The following WIZ variants were observed in gnomAD, a reference collection of about 807,000 sequenced individuals.
WIZ encodes the protein protein Wiz.
A neutral mutation model predicts 140.2 loss-of-function variants in WIZ; 25 were observed. That is an observed-to-expected ratio of 0.18 (90% CI 0.13 to 0.25). The LOEUF (loss-of-function observed/expected upper bound fraction) is 0.25. Among genes scored for constraint, WIZ ranks in the 10% least tolerant of loss-of-function variants. The pLI is 1.00. For synonymous variants in WIZ, 1,125 were observed against 1,154.3 expected, an observed-to-expected ratio of 0.97 and a Z score of 0.51; for missense variants, 2,231 against 2,632.6, an observed-to-expected ratio of 0.85 and a Z score of 3.34.
chr19:15,439,020 C>T lies in WIZ; in HGVS notation c.1974G>A (p.Lys658=), dbSNP rs1012051920. The T allele has an allele frequency of 3.3e-6, 5 of 1,496,126 alleles. No individual in the cohort carries two copies. The highest frequency in any genetic ancestry group is 4.5e-5 in the Admixed American group (2 of 44,826). 92.7% of individuals were successfully genotyped at this position (1,496,126 alleles called of 1,614,324 possible). Residue 658 remains lysine, a synonymous_variant, in exon 4 of 13, where the codon AAG becomes AAA. Coordinates refer to ENST00000673675, the MANE Select transcript of WIZ (RefSeq NM_001371589.1). This position sits in a 1 kb window ranked among gnomAD's most constrained non-coding sequence, Gnocchi z 7.0. ...CCTGCAGGGCCTCTCGGAATGCCTG[C>T]TTCAGCTCCAGGGCCGCCTGCGGGA... ...SLIPQAALEL[K]QAFREALQAV...
chr19:15,433,305 C>T, intron 5 of WIZ: 1 of 985,458 alleles, frequency 1.0e-6, no homozygotes, highest in Non-Finnish European at 1.2e-6. Context: ...CCGATTGTCC[C>T]CAGCTGTTCC....
Position 15,424,504 on chromosome 19 carries a change from A to C in WIZ, c.5314+109T>G. On this transcript the variant is annotated intron_variant, in intron 11 of 12. Transcript: ENST00000673675. This position sits in a 1 kb window ranked among gnomAD's most constrained non-coding sequence, Gnocchi z 9.7. ...ATGGGGGATGGATGGGTGAATGGGT[A>C]AGCAACTGGAGAAAGGACTTAAGGG... is the stretch of plus-strand genomic sequence containing the variant. 6.5e-7 allele frequency: 1 copy of C among 1,527,752 alleles called. No individual in the cohort carries two copies. The allele number at this position is 1,527,752 out of a possible 1,614,324, so 94.6% of individuals were successfully genotyped here.
Position 15,440,340 on chromosome 19 carries a change from C to A in WIZ, c.654G>T (p.Val218=). Residue 218 remains valine (V), a synonymous_variant, in exon 4 of 13, where the codon GTG becomes GTT. Coordinates refer to ENST00000673675, the MANE Select transcript of WIZ (RefSeq NM_001371589.1). The surrounding 1 kb of genome is among the most constrained non-coding windows in gnomAD (Gnocchi z 6.2). ...TCGGGGTGTCTTCCACTGGCACAAA[C>A]ACCCTCCTGAAGGGGGCGAGGGGTG... ...QPPPLAPFRR[V]FVPVEDTPKT... 6.6e-7 allele frequency: 1 copy of A among 1,525,962 alleles called. No homozygotes were observed. The highest frequency in any genetic ancestry group is 8.8e-7 in the Non-Finnish European group (1 of 1,140,204). 94.5% of individuals were successfully genotyped at this position (1,525,962 alleles called of 1,614,324 possible).
chr19:15,422,788 G>A lies in WIZ; in HGVS notation c.*288C>T. 1 of 508,538 alleles carries A rather than the reference G, an allele frequency of 2.0e-6. No individual in the cohort carries two copies. The highest frequency in any genetic ancestry group is 3.4e-5 in the East Asian group (1 of 29,334). 31.5% of individuals were successfully genotyped at this position (508,538 alleles called of 1,614,324 possible). On this transcript the variant is annotated 3_prime_UTR_variant, in exon 13 of 13. Transcript: ENST00000673675. ...AGACGGGGGAGTGCTGTCCTCCCCT[G>A]TGACCAGACCGGCTGCCATCAGAGA... is the stretch of plus-strand genomic sequence containing the variant.
intron 6 of WIZ, 112 bp downstream of exon 6, chr19:15,430,900 G>T: frequency 1.5e-6 from 2 of 1,347,550 alleles, no homozygotes; most frequent in Non-Finnish European, 2.0e-6. Context: ...AGGTGCCAGA[G>T]GGAAAACTGC....
In WIZ at chr19:15,428,715, A is replaced by T. The variant is rs1268361743; in HGVS notation, c.3416-207T>A. Among the ~76,000 whole-genome samples the T allele has an allele frequency of 6.6e-6, 1 of 152,108 alleles. No homozygotes were observed. Among genetic ancestry groups the T allele is most frequent in the Non-Finnish European group, 1.5e-5 (1 of 68,020 alleles). Reference sequence around the variant, plus strand: ...GCATCGAGGGGAGTGTAGAGAGCTTAAGGACTTTGGGTAGACAGGCAGTGA... The same window carrying T: ...GCATCGAGGGGAGTGTAGAGAGCTTTAGGACTTTGGGTAGACAGGCAGTGA... On this transcript the variant is annotated intron_variant, in intron 7 of 12. Coordinates refer to ENST00000673675, the MANE Select transcript of WIZ (RefSeq NM_001371589.1). This position sits in a 1 kb window ranked among gnomAD's most constrained non-coding sequence, Gnocchi z 6.4.
chr19:15,428,528 G>A lies in WIZ; in HGVS notation c.3416-20C>T, dbSNP rs368882198. ...CTAAAGCTGCGGAGACAAAACACAG[G>A]GGGGGTTCACGGCCGCCACCTTGGC... is the stretch of plus-strand genomic sequence containing the variant. On this transcript the variant is annotated intron_variant, in intron 7 of 12. Transcript: ENST00000673675. This position sits in a 1 kb window ranked among gnomAD's most constrained non-coding sequence, Gnocchi z 6.4. 3.3e-6 allele frequency: 5 copies of A among 1,535,432 alleles called. No individual in the cohort carries two copies. The South Asian group carries it at 3.6e-5, about 11-fold the overall frequency.
At position 15,425,254 on chromosome 19, in the gene WIZ, C is replaced by T. The variant is rs1765018497; in HGVS notation, c.4881G>A (p.Lys1627=). ...CCCGCTGCTTACAGGAGTGGGAGGTCTTCTCATGAAGGGTCTTTGCCTTGA... is the reference window on the plus strand; with the variant it reads ...CCCGCTGCTTACAGGAGTGGGAGGTTTTCTCATGAAGGGTCTTTGCCTTGA... The part of the protein sequence containing the change: ...LPFKAKTLHE[K]TSHSSTEACC... Residue 1627 remains lysine (K), a synonymous_variant, in exon 10 of 13, where the codon AAG becomes AAA. Coordinates refer to ENST00000673675, the MANE Select transcript of WIZ (RefSeq NM_001371589.1). 15 of 1,583,682 alleles carry T rather than the reference C, an allele frequency of 9.5e-6. No homozygotes were observed. Among genetic ancestry groups the T allele is most frequent in the Non-Finnish European group, 1.3e-5 (15 of 1,166,010 alleles).
chr19:15,420,776 G>A lies in WIZ; in HGVS notation c.*2300C>T, dbSNP rs184128945. The A allele has an allele frequency of 3.9e-5, 6 of 152,330 alleles. No homozygotes were observed. The highest frequency in any genetic ancestry group is 1.3e-4 in the Admixed American group (2 of 15,290). 9.4% of individuals were successfully genotyped at this position (152,330 alleles called of 1,614,324 possible). ...TTGCCATATGACTTTATAAGCTCTT[G>A]TATCATTTGACTGTTTTTTGTCACA... On this transcript the variant is annotated 3_prime_UTR_variant, in exon 13 of 13. Coordinates refer to ENST00000673675, the MANE Select transcript of WIZ (RefSeq NM_001371589.1).
Position 15,448,347 on chromosome 19 carries a change from G to T in WIZ, c.-40C>A. 2 of 1,601,890 alleles carry T rather than the reference G, an allele frequency of 1.2e-6. No individual in the cohort carries two copies. ...TTGGATCCACTCAGCTGCTGCACCG[G>T]CTCAGCGGGGCATTGTGGGCCTGGG... is the stretch of plus-strand genomic sequence containing the variant. On this transcript the variant is annotated 5_prime_UTR_variant, in exon 2 of 13. Coordinates refer to ENST00000673675, the MANE Select transcript of WIZ (RefSeq NM_001371589.1).
chr19:15,423,298 T>A, intron 12 of WIZ, 63 bp from the exon 13 acceptor site: 1 of 1,573,032 alleles, frequency 6.4e-7, no homozygotes. Context: ...AGCATAGCCT[T>A]GCCAGCATCC....
At chr19:15,431,596 G>A (rs1395240813) in intron 5 of WIZ, among the ~76,000 whole-genome samples, 1 of 152,222 alleles carries the variant, frequency 6.6e-6, no homozygotes, top group African/African-American at 2.4e-5. Context: ...AGGCCACACA[G>A]AGGCAGGGAG....
At chr19:15,429,501 G>GGC in intron 7 of WIZ, 85 bp downstream of exon 7, 6 of 1,174,994 alleles carry the variant, frequency 5.1e-6, no homozygotes, top group Non-Finnish European at 6.6e-6. Context: ...CCCACCCTGG[G>GGC]CCCTGTCCCT....
chr19:15,425,138 G>A, intron 10 of WIZ, 103 bp downstream of exon 10: 1 of 1,524,018 alleles, frequency 6.6e-7, no homozygotes, highest in South Asian at 1.2e-5. Context: ...CACAGACCCA[G>A]CCATGGGGGC....
chr19:15,420,758 A>G lies in WIZ; in HGVS notation c.*2318T>C, dbSNP rs1025204978. 4 of 152,196 alleles carry G rather than the reference A, an allele frequency of 2.6e-5. No homozygotes were observed. The highest frequency in any genetic ancestry group is 9.7e-5 in the African/African-American group (4 of 41,448). 9.4% of individuals were successfully genotyped at this position (152,196 alleles called of 1,614,324 possible). A position where few individuals can be genotyped will look rare whatever the true frequency, so the allele number is the denominator to read the frequency against. On this transcript the variant is annotated 3_prime_UTR_variant, in exon 13 of 13. Transcript: ENST00000673675. ...TGATTGGTGGGGAGGAACTTGCCAT[A>G]TGACTTTATAAGCTCTTGTATCATT... is the stretch of plus-strand genomic sequence containing the variant.
rs758544502 is a variant in WIZ, at chr19:15,425,748, G to T, written c.4387C>A (p.Arg1463Ser). The T allele has an allele frequency of 3.8e-6, 6 of 1,598,740 alleles. No individual in the cohort carries two copies. The highest frequency in any genetic ancestry group is 5.1e-6 in the Non-Finnish European group (6 of 1,172,684). Residue 1463 changes from arginine to serine, a missense_variant, in exon 10 of 13, where the codon CGC becomes AGC. By Grantham distance (110) the Arg-to-Ser change is moderately radical. Transcript: ENST00000673675. ...CCGCAGAACTCACAGCGGATGTCGCGCACCGGCTCTGCCCGGGACGCTGCA... is the reference window on the plus strand; with the variant it reads ...CCGCAGAACTCACAGCGGATGTCGCTCACCGGCTCTGCCCGGGACGCTGCA... ...LNLSSRAEPV[R>S]DIRCEFCGEF...
rs1163805018 is a variant in WIZ at position 15,424,352 on chromosome 19, G to A, written c.5341C>T (p.Pro1781Ser). The A allele has an allele frequency of 2.5e-6, 4 of 1,602,974 alleles. No individual in the cohort carries two copies. The highest frequency in any genetic ancestry group is 3.5e-5 in the Admixed American group (2 of 57,464). Residue 1781 changes from proline to serine, a missense_variant, in exon 12 of 13, where the codon CCA becomes TCA. Physicochemically the swap from Pro to Ser is moderately conservative, Grantham distance 74 (BLOSUM62 -1). This residue lies in a region of WIZ where 299 missense variants were observed against 309.6 expected (regional missense o/e 0.97). Transcript: ENST00000673675. The surrounding 1 kb of genome is among the most constrained non-coding windows in gnomAD (Gnocchi z 9.7). ...NKFERRQARPPDASAARGGED... is the reference protein window; with the variant it reads ...NKFERRQARPSDASAARGGED... The stretch of plus-strand genomic sequence containing the variant: ...CCTCCCCGGGCTGCGGAGGCATCTG[G>A]AGGGCGGGCTTGTCGGCGTTCAAAT...
Position 15,428,158 on chromosome 19 carries a change from C to T in WIZ, c.3766G>A (p.Ala1256Thr), listed in dbSNP as rs2065697754. Residue 1256 changes from alanine (A) to threonine (T), a missense_variant, in exon 8 of 13, where the codon GCC becomes ACC. Around this residue, in one of 15 missense-constraint regions of WIZ, gnomAD observed 141 missense variants for 161.2 expected, o/e 0.87. Coordinates refer to ENST00000673675, the MANE Select transcript of WIZ (RefSeq NM_001371589.1). The surrounding 1 kb of genome is among the most constrained non-coding windows in gnomAD (Gnocchi z 6.4). ...GKQDLSAAAA[A>T]GIFWASDVEP... ...ACATCAGAGGCCCAGAAAATGCCGG[C>T]GGCTGCGGCGGCCGAGAGGTCCTGC... is the stretch of plus-strand genomic sequence containing the variant. The T allele has an allele frequency of 5.9e-6, 9 of 1,534,444 alleles. No homozygotes were observed. The highest frequency in any genetic ancestry group is 6.1e-6 in the Non-Finnish European group (7 of 1,146,760).
intron 5 of WIZ, among the ~76,000 whole-genome samples, chr19:15,435,434 G>A (rs979304361): frequency 5.3e-5 from 8 of 151,974 alleles, no homozygotes; most frequent in African/African-American, 9.7e-5. Context: ...GCAAGACCCC[G>A]TCTCAAAAAA....
Sources: allele counts gnomAD v4.1 joint callset (sites outside exome capture counted in the v4.1 genomes callset), GRCh38; gene constraint gnomAD v4.1.1; regional missense constraint gnomAD v4.1.1; non-coding constraint Gnocchi (gnomAD v3.1); transcripts MANE v1.5; gene names NCBI Gene and HGNC (gene_info 2026-07-23, HGNC 2026-07-21).